ARFGAP2: variants seen among roughly 807,000 people sequenced by gnomAD.
ARFGAP2 encodes the protein ADP-ribosylation factor GTPase-activating protein 2.
In ARFGAP2, 45 loss-of-function variants were observed where a neutral mutation model predicts 71.9. That is an observed-to-expected ratio of 0.63 (90% CI 0.49 to 0.80). The LOEUF (loss-of-function observed/expected upper bound fraction) is 0.80. Among genes scored for constraint, ARFGAP2 ranks in the 30% least tolerant of loss-of-function variants. The pLI is 0.00. For missense variants in ARFGAP2, 633 were observed against 673.9 expected, an observed-to-expected ratio of 0.94 and a Z score of 0.67; for synonymous variants, 248 against 249.2, an observed-to-expected ratio of 1.00 and a Z score of 0.05.
chr11:47,171,083 T>G (rs1952580513), intron 10 of ARFGAP2, among the ~76,000 whole-genome samples: 1 of 152,048 alleles, frequency 6.6e-6, no homozygotes, highest in Admixed American at 6.6e-5. Context: ...TAGACAGGAA[T>G]TAAGGATGAT....
chr11:47,165,152 C>A lies in ARFGAP2; in HGVS notation c.*330G>T. On this transcript the variant is annotated 3_prime_UTR_variant, in exon 16 of 16. Transcript: ENST00000524782. ...TTTCCCTACCTGGGGAAAGTCTGGACCCAGAATAAGCCATCGTGGGGGAAC... is the reference window on the plus strand; with the variant it reads ...TTTCCCTACCTGGGGAAAGTCTGGAACCAGAATAAGCCATCGTGGGGGAAC... 1 of 344,152 alleles carries A rather than the reference C, an allele frequency of 2.9e-6. No homozygotes were observed. The highest frequency in any genetic ancestry group is 5.2e-6 in the Non-Finnish European group (1 of 190,792). 21.3% of individuals were successfully genotyped at this position (344,152 alleles called of 1,614,324 possible). A position where few individuals can be genotyped will look rare whatever the true frequency, so the allele number is the denominator to read the frequency against.
At chr11:47,167,810 C>G in intron 12 of ARFGAP2, 99 bp downstream of exon 12, 1 of 1,388,554 alleles carries the variant, frequency 7.2e-7, no homozygotes, top group Non-Finnish European at 9.6e-7. Context: ...TTCCCATCAA[C>G]ACAGAAAGTT....
In ARFGAP2 at chr11:47,165,217, TG is replaced by T; in HGVS notation, c.*264del. On this transcript the variant is annotated 3_prime_UTR_variant, in exon 16 of 16. Transcript: ENST00000524782. ...TGGCAGGATAAGTGAGCAGCAGCTG[TG>T]GGGGCAGGACAGAAGGACAAGAGTC... The T allele has an allele frequency of 2.5e-6, 1 of 396,432 alleles. No homozygotes were observed. The highest frequency in any genetic ancestry group is 4.4e-6 in the Non-Finnish European group (1 of 225,096). 24.6% of individuals were successfully genotyped at this position (396,432 alleles called of 1,614,324 possible). A position where few individuals can be genotyped will look rare whatever the true frequency, so the allele number is the denominator to read the frequency against.
chr11:47,176,431 C>T, intron 2 of ARFGAP2, 85 bp downstream of exon 2: 1 of 1,326,244 alleles, frequency 7.5e-7, no homozygotes, highest in Non-Finnish European at 1.1e-6. Flanking sequence ...TCAGAGCGGC[C>T]CAAGTCGAGG....
chr11:47,168,376 C>A, intron 10 of ARFGAP2, 125 bp from the exon 11 acceptor site: 2 of 1,346,694 alleles, frequency 1.5e-6, no homozygotes, highest in Non-Finnish European at 2.0e-6. Context: ...CTGTCCTTAC[C>A]CAAGCACAGG....
intron 15 of ARFGAP2, 128 bp from the exon 16 acceptor site, chr11:47,165,630 G>C (rs936618503): frequency 1.9e-6 from 2 of 1,029,342 alleles, no homozygotes; most frequent in Non-Finnish European, 2.7e-6. Flanking sequence ...TGGACAGCCC[G>C]GTGAGGCAGG....
In ARFGAP2 at chr11:47,167,955, T is replaced by C. The variant is rs143546578; in HGVS notation, c.1159A>G (p.Lys387Glu). The change falls in exon 12 of 16, where the codon AAG becomes GAG. Residue 387 changes from lysine (K) to glutamate (E), a missense_variant. Physicochemically the swap from Lys to Glu is moderately conservative, Grantham distance 56. Coordinates refer to ENST00000524782, the MANE Select transcript of ARFGAP2 (RefSeq NM_032389.6). ...CTTGAGATGGTCACTTCTGGCTCCTTCTCCTCTACCCTGTCCATACCCCAG... is the reference window on the plus strand; with the variant it reads ...CTTGAGATGGTCACTTCTGGCTCCTCCTCCTCTACCCTGTCCATACCCCAG... ...AAWGMDRVEEKEPEVTISSIR... is the reference protein window; with the variant it reads ...AAWGMDRVEEEEPEVTISSIR... 15 of 1,613,742 alleles carry C rather than the reference T, an allele frequency of 9.3e-6. No individual in the cohort carries two copies. In the East Asian group the frequency reaches 3.1e-4, roughly 34 times the overall value.
At chr11:47,175,390 T>G (rs757225224) in intron 3 of ARFGAP2, 77 bp from the exon 4 acceptor site, 2 of 1,599,744 alleles carry the variant, frequency 1.3e-6, no homozygotes, top group Non-Finnish European at 8.6e-7. Context: ...AGGAGACATC[T>G]CCTTATGACA....
At chr11:47,174,108 G>A (rs1026331854) in intron 5 of ARFGAP2, 2 of 561,116 alleles carry the variant, frequency 3.6e-6, no homozygotes, top group Non-Finnish European at 6.3e-6. Flanking sequence ...CACCTAGGCA[G>A]GCACAGATCT....
intron 2 of ARFGAP2, 183 bp from the exon 3 acceptor site, chr11:47,176,106 A>G (rs1348070004): frequency 2.2e-5 from 14 of 636,010 alleles, no homozygotes; most frequent in Non-Finnish European, 3.9e-5. Flanking sequence ...TTTACTCCAA[A>G]GAGTACTAAT....
At chr11:47,173,525 C>T in intron 6 of ARFGAP2, 43 bp from the exon 7 acceptor site, 1 of 1,520,518 alleles carries the variant, frequency 6.6e-7, no homozygotes, top group South Asian at 1.2e-5. Context: ...CTCCTAGCTT[C>T]CTGCAACCTC....
rs186203628 is a variant in ARFGAP2, at chr11:47,165,452, C to T, written c.*30G>A. The T allele has an allele frequency of 3.1e-4, 486 of 1,567,810 alleles. 1 individual carries two copies. In the African/African-American group the frequency reaches 6.3e-3, roughly 20 times the overall value. ...AACTGTGGAGTTCTTGTTGCCGTCA[C>T]CATCGTAAGCCTGAGTCACAGAGCT... On this transcript the variant is annotated 3_prime_UTR_variant, in exon 16 of 16. Coordinates refer to ENST00000524782, the MANE Select transcript of ARFGAP2 (RefSeq NM_032389.6).
intron 12 of ARFGAP2, 69 bp from the exon 13 acceptor site, chr11:47,166,955 A>C: frequency 1.3e-6 from 2 of 1,557,644 alleles, no homozygotes; most frequent in Non-Finnish European, 1.7e-6. Context: ...TACAGAGGCC[A>C]AACAGAGCAC....
intron 5 of ARFGAP2, 186 bp downstream of exon 5, chr11:47,174,829 C>T (rs942188175): frequency 2.8e-5 from 19 of 674,036 alleles, no homozygotes; most frequent in Non-Finnish European, 5.0e-5. Context: ...GAGGGCTACA[C>T]TGCACCTCCA....
At chr11:47,171,106 G>A (rs947880089) in intron 10 of ARFGAP2, among the ~76,000 whole-genome samples, 2 of 152,108 alleles carry the variant, frequency 1.3e-5, no homozygotes, top group Non-Finnish European at 1.5e-5. Context: ...TAAATGCACC[G>A]CAATTCTCAG....
In ARFGAP2 at chr11:47,166,533, C is replaced by T. The variant is rs1952385192; in HGVS notation, c.1399G>A (p.Gly467Arg). ...SSAISSSDLF[G>R]DMDGAHGAGS... ...GCTCCGTGAGCTCCATCCATGTCCC[C>T]AAAGAGGTCTGAAGAGCTGATGGCA... Residue 467 changes from glycine (G) to arginine (R), a missense_variant, in exon 14 of 16, where the codon GGG (glycine) becomes AGG (arginine). By Grantham distance (125) the Gly-to-Arg change is moderately radical. Coordinates refer to ENST00000524782, the MANE Select transcript of ARFGAP2 (RefSeq NM_032389.6). The T allele has an allele frequency of 6.2e-7, 1 of 1,612,732 alleles. No individual in the cohort carries two copies. The highest frequency in any genetic ancestry group is 1.1e-5 in the South Asian group (1 of 91,084).
chr11:47,175,659 G>A (rs1952780651), intron 3 of ARFGAP2, 192 bp downstream of exon 3: 11 of 687,908 alleles, frequency 1.6e-5, no homozygotes, highest in Non-Finnish European at 2.4e-5. Flanking sequence ...CACCTGCCCA[G>A]TTTAATTGGA....
At chr11:47,168,285 AAGGAT>A (rs754074414) in intron 10 of ARFGAP2, 34 bp from the exon 11 acceptor site, 1 of 1,612,650 alleles carries the variant, frequency 6.2e-7, no homozygotes, top group Non-Finnish European at 8.5e-7. Context: ...CATGAGACCA[AAGGAT>A]AGGCATCAGC....
At chr11:47,175,731 G>A (rs767684472) in intron 3 of ARFGAP2, 120 bp downstream of exon 3, 9 of 1,126,492 alleles carry the variant, frequency 8.0e-6, no homozygotes, top group African/African-American at 1.5e-5. Flanking sequence ...ATAGCTTATG[G>A]TGGTGTTATA....
Sources: gnomAD v4.1 joint callset for allele counts (sites outside exome capture counted in the v4.1 genomes callset) on GRCh38, gnomAD v4.1.1 for gene constraint, MANE v1.5 for transcripts, NCBI Gene and HGNC (gene_info 2026-07-23, HGNC 2026-07-21) for gene names.